NDUFB6: variants seen among roughly 807,000 people sequenced by gnomAD.
The protein encoded by NDUFB6 is NADH dehydrogenase [ubiquinone] 1 beta subcomplex subunit 6.
A neutral mutation model predicts 17.5 loss-of-function variants in NDUFB6; 23 were observed. The observed-to-expected ratio is 1.31, with a 90% CI of 0.94 to 1.86. The LOEUF (loss-of-function observed/expected upper bound fraction) is 1.86, where lower values mean the gene tolerates loss of function less well. Ranked by LOEUF, NDUFB6 falls within the 40% of genes most tolerant of loss-of-function variation. NDUFB6 has a pLI of 0.00. For synonymous variants in NDUFB6, 60 were observed against 53.5 expected (o/e 1.12, Z -0.53); for missense variants, 167 against 153.8 (o/e 1.09, Z -0.46).
chr9:32,561,056 G>A (rs1821610165), intron 2 of NDUFB6, among the ~76,000 whole-genome samples: 1 of 152,180 alleles, frequency 6.6e-6, no homozygotes, highest in South Asian at 2.1e-4. Flanking sequence ...ATAATGAAAT[G>A]AAGTAGCCTT....
Position 32,571,639 on chromosome 9 carries a change from A to G in NDUFB6, c.181-587T>C, listed in dbSNP as rs548658939. Among the ~76,000 whole-genome samples the G allele has an allele frequency of 2.7e-4, 41 of 152,362 alleles. 1 individual carries two copies. Among genetic ancestry groups the G allele is most frequent in the African/African-American group, 9.9e-4 (41 of 41,592 alleles). On this transcript the variant is annotated intron_variant, in intron 1 of 3. Transcript: ENST00000379847. ...TCCCATGTCTTCCAACTTGATTAAA[A>G]AACACCTATCCATTCAAGGAAGGGA...
rs184254703 is a variant in NDUFB6, at chr9:32,557,018, A to C, written c.318+1892T>G. Reference sequence around the variant, plus strand: ...AGGCGTGCACCACCATGCCCAGCTAATTTTTGTATTTTTATTAATAGTAGA... The same window carrying C: ...AGGCGTGCACCACCATGCCCAGCTACTTTTTGTATTTTTATTAATAGTAGA... On this transcript the variant is annotated intron_variant, in intron 3 of 3. Coordinates refer to ENST00000379847, the MANE Select transcript of NDUFB6 (RefSeq NM_002493.5). Among the ~76,000 whole-genome samples the C allele has an allele frequency of 5.9e-3, 875 of 149,450 alleles. 8 individuals carry two copies. Among genetic ancestry groups the C allele is most frequent in the African/African-American group, 0.021 (840 of 40,522 alleles).
intron 2 of NDUFB6, chr9:32,567,814 T>G (rs988762761): frequency 3.6e-6 from 1 of 276,826 alleles, no homozygotes; most frequent in African/African-American, 2.3e-5. Flanking sequence ...CTCCCTCTCC[T>G]TGGACTGTCC....
intron 3 of NDUFB6, among the ~76,000 whole-genome samples, chr9:32,558,129 T>TTTTTTTTTTTTTA (rs1554673490): frequency 8.6e-5 from 13 of 151,342 alleles, no homozygotes; most frequent in Admixed American, 2.0e-4. Context: ...TTTTTTTTTT[T>TTTTTTTTTTTTTA]GAGACGGAGT....
At chr9:32,572,764 C>A in intron 1 of NDUFB6, 117 bp downstream of exon 1, 1 of 961,600 alleles carries the variant, frequency 1.0e-6, no homozygotes, top group Non-Finnish European at 1.5e-6. Context: ...TGGCCAGTGT[C>A]CCAGAGCACT....
intron 1 of NDUFB6, 89 bp from the exon 2 acceptor site, chr9:32,571,141 A>G: frequency 1.2e-6 from 1 of 862,866 alleles, no homozygotes; most frequent in Non-Finnish European, 1.8e-6. Flanking sequence ...TAACAATGCC[A>G]TGACTATTTT....
At chr9:32,555,051 C>A (rs6476369) in intron 3 of NDUFB6, among the ~76,000 whole-genome samples, 88,411 of 151,306 alleles carry the variant, frequency 0.58, 26,216 homozygotes, top group Middle Eastern at 0.69. Flanking sequence ...ATGGAGAGGA[C>A]GAGAGAACAC....
chr9:32,566,785 C>G, intron 2 of NDUFB6: 1 of 915,518 alleles, frequency 1.1e-6, no homozygotes, highest in Non-Finnish European at 1.8e-6. Context: ...TTCTGGCTGA[C>G]GTTGTACAGG....
rs1821365688 is a variant in NDUFB6 at position 32,553,581 on chromosome 9, T to C, written c.*295A>G. The C allele has an allele frequency of 3.3e-6, 1 of 303,022 alleles. No individual in the cohort carries two copies. Among genetic ancestry groups the C allele is most frequent in the Admixed American group, 5.0e-5 (1 of 20,002 alleles). The allele number at this position is 303,022 out of a possible 1,614,324, so 18.8% of individuals were successfully genotyped here. A position where few individuals can be genotyped will look rare whatever the true frequency, so the allele number is the denominator to read the frequency against. ...ACTGTTGCATACCCTGATACCAAAT[T>C]AGTGTAAGTACTGTGTAAGAAAAAA... On this transcript the variant is annotated 3_prime_UTR_variant, in exon 4 of 4. Coordinates refer to ENST00000379847, the MANE Select transcript of NDUFB6 (RefSeq NM_002493.5).
intron 3 of NDUFB6, among the ~76,000 whole-genome samples, chr9:32,555,075 A>G (rs1821419473): frequency 6.6e-6 from 1 of 151,646 alleles, no homozygotes; most frequent in Non-Finnish European, 1.5e-5. Context: ...GGTGCACGCT[A>G]GAGACTTTCT....
intron 2 of NDUFB6, among the ~76,000 whole-genome samples, chr9:32,563,940 T>G (rs1325005265): frequency 6.6e-6 from 1 of 152,212 alleles, no homozygotes; most frequent in African/African-American, 2.4e-5. Flanking sequence ...TCTGGCACAA[T>G]AATATGTTCC....
chr9:32,566,275 A>T (rs1211185620), intron 2 of NDUFB6: 1 of 1,141,950 alleles, frequency 8.8e-7, no homozygotes, highest in Non-Finnish European at 1.3e-6. Flanking sequence ...AGGTTCTCTG[A>T]GGTAGAAAGC....
intron 3 of NDUFB6, among the ~76,000 whole-genome samples, chr9:32,555,632 T>C (rs1397993167): frequency 1.3e-5 from 2 of 152,210 alleles, no homozygotes; most frequent in South Asian, 2.1e-4. Context: ...ACCAAACATA[T>C]AGTTTACAGA....
rs576958273 is a variant in NDUFB6 at position 32,553,257 on chromosome 9, C to G, written c.*619G>C. ...TCGCCCAGGCTCAGTGGCACTATCT[C>G]GGCTTACTGCAAGCTCCGCCTTCTG... On this transcript the variant is annotated 3_prime_UTR_variant, in exon 4 of 4. Coordinates refer to ENST00000379847, the MANE Select transcript of NDUFB6 (RefSeq NM_002493.5). 5.1e-6 allele frequency: 1 copy of G among 197,756 alleles called. No homozygotes were observed. The highest frequency in any genetic ancestry group is 2.4e-5 in the African/African-American group (1 of 41,990). 12.3% of individuals were successfully genotyped at this position (197,756 alleles called of 1,614,324 possible).
rs771510637 is a variant in NDUFB6, at chr9:32,553,960, TAC to T, written c.319-18_319-17del. Reference sequence around the variant, plus strand: ...TTGTATCACCCTAGGAAAACAAAGATACAGTTAGTACAAAAATCTTAAGTCTA... The same window carrying T: ...TTGTATCACCCTAGGAAAACAAAGATAGTTAGTACAAAAATCTTAAGTCTA... On this transcript the variant is annotated splice_polypyrimidine_tract_variant and intron_variant, in intron 3 of 3. Transcript: ENST00000379847. 2.0e-6 allele frequency: 3 copies of T among 1,505,490 alleles called. No homozygotes were observed. The highest frequency in any genetic ancestry group is 3.6e-5 in the Admixed American group (2 of 56,054). The allele number at this position is 1,505,490 out of a possible 1,614,324, so 93.3% of individuals were successfully genotyped here.
At chr9:32,568,382 G>T in intron 2 of NDUFB6, 1 of 245,934 alleles carries the variant, frequency 4.1e-6, no homozygotes, top group South Asian at 6.2e-5. Context: ...CCTTTTGGAT[G>T]AGCAAACAAA....
intron 2 of NDUFB6, chr9:32,565,439 G>A (rs758508714): frequency 2.0e-5 from 3 of 152,226 alleles, no homozygotes; most frequent in Middle Eastern, 3.2e-3. Context: ...CATGGAAATG[G>A]AGAGCCAGCA....
chr9:32,571,358 A>G (rs534187165), intron 1 of NDUFB6, among the ~76,000 whole-genome samples: 3 of 152,364 alleles, frequency 2.0e-5, no homozygotes, highest in African/African-American at 7.2e-5. Flanking sequence ...TGTTAAAGAT[A>G]AAATATAGCA....
intron 3 of NDUFB6, among the ~76,000 whole-genome samples, chr9:32,557,295 C>G (rs551065878): frequency 6.7e-6 from 1 of 150,222 alleles, no homozygotes; most frequent in South Asian, 2.1e-4. Context: ...CTCCAGGTAG[C>G]TGGGATTACA....
Sources: gnomAD v4.1 joint callset for allele counts (sites outside exome capture counted in the v4.1 genomes callset) on GRCh38, gnomAD v4.1.1 for gene constraint, MANE v1.5 for transcripts, NCBI Gene and HGNC (gene_info 2026-07-23, HGNC 2026-07-21) for gene names.